Variants in LYG2 observed in about 807,000 individuals in gnomAD.
LYG2 encodes the protein lysozyme g-like protein 2.
In LYG2, 25 loss-of-function variants were observed where a neutral mutation model predicts 22.4. That is an observed-to-expected ratio of 1.12 (90% CI 0.81 to 1.56). The LOEUF is 1.56. LYG2 is among the 40% of genes most tolerant of loss of function. The pLI, the probability that LYG2 is intolerant of heterozygous loss-of-function variation, is 0.00. For synonymous variants in LYG2, 88 were observed against 97.0 expected (o/e 0.91, Z 0.55); for missense variants, 266 against 269.5 (o/e 0.99, Z 0.09).
chr2:99,246,775 T>A lies in LYG2; in HGVS notation c.89A>T (p.His30Leu). ...GCCGTGGTACAGGCGTGGATGTAGG[T>A]GAGGCTTCATTGAGTGACTGAAGGG... The part of the protein sequence containing the change: ...SYPFSHSMKP[H>L]LHPRLYHGCY... The change falls in exon 4 of 7, where the codon CAC becomes CTC. Residue 30 changes from histidine to leucine, a missense_variant. Coordinates refer to ENST00000333017, the MANE Select transcript of LYG2 (RefSeq NM_175735.4). The A allele has an allele frequency of 6.2e-7, 1 of 1,614,078 alleles. No individual in the cohort carries two copies. The highest frequency in any genetic ancestry group is 8.5e-7 in the Non-Finnish European group (1 of 1,179,982).
At chr2:99,253,273 A>G (rs1278234171) in intron 3 of LYG2, among the ~76,000 whole-genome samples, 1 of 152,096 alleles carries the variant, frequency 6.6e-6, no homozygotes, top group Admixed American at 6.6e-5. Flanking sequence ...TTAAATTAAG[A>G]GTCACCTTTC....
At chr2:99,248,714 C>T (rs929826227) in intron 3 of LYG2, among the ~76,000 whole-genome samples, 21 of 147,390 alleles carry the variant, frequency 1.4e-4, no homozygotes, top group African/African-American at 5.0e-4. Context: ...GCACATGTAC[C>T]CTAAAACTTA....
rs1419930266 is a variant in LYG2 at position 99,243,917 on chromosome 2, T to A, written c.520+82A>T. The A allele has an allele frequency of 1.9e-6, 3 of 1,540,490 alleles. No individual in the cohort carries two copies. The African/African-American group carries it at 4.1e-5, about 21-fold the overall frequency. On this transcript the variant is annotated intron_variant, in intron 6 of 6. Coordinates refer to ENST00000333017, the MANE Select transcript of LYG2 (RefSeq NM_175735.4). The stretch of plus-strand genomic sequence containing the variant: ...GCCACTGCTGACCCCGTGGAAATGC[T>A]CCCAGGGAGTCTCGGGTCACACTGG...
In LYG2 at chr2:99,245,461, A is replaced by T. The variant is rs544894319; in HGVS notation, c.185-3T>A. 4 of 1,577,186 alleles carry T rather than the reference A, an allele frequency of 2.5e-6. No individual in the cohort carries two copies. Among genetic ancestry groups the T allele is most frequent in the Admixed American group, 1.7e-5 (1 of 58,036 alleles). ...AAACATTTCAGAACCACGGATCCCT[A>T]CGTCAATAGAAAAGAAACTGTTTTT... On this transcript the variant is annotated splice_polypyrimidine_tract_variant and splice_region_variant and intron_variant, in intron 4 of 6. Transcript: ENST00000333017.
intron 2 of LYG2, 33 bp from the exon 3 acceptor site, chr2:99,254,318 T>A: frequency 6.5e-7 from 1 of 1,549,394 alleles, no homozygotes; most frequent in Non-Finnish European, 8.8e-7. Context: ...CTGGTTAATT[T>A]TAAAACCTGA....
At chr2:99,249,616 C>G (rs1324068856) in intron 3 of LYG2, among the ~76,000 whole-genome samples, 1 of 151,628 alleles carries the variant, frequency 6.6e-6, no homozygotes, top group East Asian at 1.9e-4. Flanking sequence ...ACAAAATTAG[C>G]CAGGCATGGT....
intron 3 of LYG2, among the ~76,000 whole-genome samples, chr2:99,249,761 CAAAAAAAAA>C (rs70940156): frequency 3.1e-5 from 2 of 65,296 alleles, no homozygotes; most frequent in Non-Finnish European, 5.7e-5. Flanking sequence ...AACTCTGTCT[CAAAAAAAAA>C]AAAAAAAAAA....
chr2:99,242,784 G>T (rs1574861231), intron 6 of LYG2, among the ~76,000 whole-genome samples: 1 of 152,158 alleles, frequency 6.6e-6, no homozygotes, highest in African/African-American at 2.4e-5. Flanking sequence ...TGCTGAAAAT[G>T]CTTGTAACAT....
chr2:99,256,276 C>T (rs148827083), upstream of LYG2, among the ~76,000 whole-genome samples: 593 of 152,312 alleles, frequency 3.9e-3, 6 homozygotes, highest in African/African-American at 0.014. Flanking sequence ...CTGGCATGGC[C>T]TCTAGCCTTC....
chr2:99,245,135 G>T, intron 5 of LYG2, 127 bp downstream of exon 5: 1 of 1,008,514 alleles, frequency 9.9e-7, no homozygotes, highest in Non-Finnish European at 1.3e-6. Flanking sequence ...AAATTATGCT[G>T]GAGTACCTGT....
At chr2:99,243,873 C>CTA (rs2094010987) in intron 6 of LYG2, 126 bp downstream of exon 6, 10 of 1,093,338 alleles carry the variant, frequency 9.1e-6, no homozygotes, top group Middle Eastern at 2.9e-4. Context: ...AATGCAGCCT[C>CTA]TAGACAGCTC....
rs1444426531 is a variant in LYG2, at chr2:99,246,824, G to A, written c.44-4C>T. ...GGGTATGAGCCCCTGGAAGTGCCTA[G>A]GAGGCAGAAGTGTAACTCACATGAA... On this transcript the variant is annotated splice_polypyrimidine_tract_variant and splice_region_variant and intron_variant, in intron 3 of 6. Coordinates refer to ENST00000333017, the MANE Select transcript of LYG2 (RefSeq NM_175735.4). The A allele has an allele frequency of 2.5e-6, 4 of 1,608,328 alleles. No individual in the cohort carries two copies. In the East Asian group the frequency reaches 6.7e-5, roughly 27 times the overall value.
At chr2:99,249,204 T>G (rs1268911844) in intron 3 of LYG2, among the ~76,000 whole-genome samples, 1 of 152,134 alleles carries the variant, frequency 6.6e-6, no homozygotes, top group African/African-American at 2.4e-5. Flanking sequence ...GACGATTGCT[T>G]GAGCGTAGGA....
intron 3 of LYG2, among the ~76,000 whole-genome samples, chr2:99,253,737 C>G (rs993741007): frequency 5.9e-5 from 9 of 152,116 alleles, no homozygotes; most frequent in Admixed American, 2.6e-4. Context: ...ATTAAATCAC[C>G]AAGCATCCTT....
rs891512634 is a variant in LYG2, at chr2:99,255,113, G to A, written c.-119C>T. The A allele has an allele frequency of 6.6e-6, 1 of 152,170 alleles. No homozygotes were observed. Among genetic ancestry groups the A allele is most frequent in the African/African-American group, 2.4e-5 (1 of 41,434 alleles). The allele number at this position is 152,170 out of a possible 1,614,324, so 9.4% of individuals were successfully genotyped here. ...ACTGCACTTCAAGCTTTTACAAAGC[G>A]ACGGCCTTTGTCCTGTAACATAGGC... is the stretch of plus-strand genomic sequence containing the variant. On this transcript the variant is annotated 5_prime_UTR_variant, in exon 2 of 7. Transcript: ENST00000333017.
chr2:99,243,250 G>T (rs1019462170), intron 6 of LYG2, among the ~76,000 whole-genome samples: 2 of 152,090 alleles, frequency 1.3e-5, no homozygotes, highest in African/African-American at 4.8e-5. Flanking sequence ...CTATATTATG[G>T]TGCCTCCAAG....
chr2:99,254,576 C>T (rs2094032681), intron 2 of LYG2, among the ~76,000 whole-genome samples: 1 of 151,982 alleles, frequency 6.6e-6, no homozygotes, highest in African/African-American at 2.4e-5. Flanking sequence ...TTGGTAACAC[C>T]ACAATTTTGT....
In LYG2 at chr2:99,246,926, C is replaced by G. The variant is rs1409696936; in HGVS notation, c.44-106G>C. On this transcript the variant is annotated intron_variant, in intron 3 of 6. Transcript: ENST00000333017. The stretch of plus-strand genomic sequence containing the variant: ...AGGCAGAAGGCCACAGACAGAACTC[C>G]CCAACTCTCTTGTTGCCATTATTTG... 4 of 1,043,508 alleles carry G rather than the reference C, an allele frequency of 3.8e-6. No homozygotes were observed. In the African/African-American group the frequency reaches 4.8e-5, roughly 13 times the overall value. The allele number at this position is 1,043,508 out of a possible 1,614,324, so 64.6% of individuals were successfully genotyped here. A position where few individuals can be genotyped will look rare whatever the true frequency, so the allele number is the denominator to read the frequency against.
intron 3 of LYG2, among the ~76,000 whole-genome samples, chr2:99,248,126 T>A (rs1286745403): frequency 7.9e-5 from 12 of 151,842 alleles, no homozygotes; most frequent in Non-Finnish European, 1.8e-4. Flanking sequence ...ACTTTTACAC[T>A]GTTGGTGGGA....
Sources: gnomAD v4.1 joint callset for allele counts (sites outside exome capture counted in the v4.1 genomes callset) on GRCh38, gnomAD v4.1.1 for gene constraint, MANE v1.5 for transcripts, NCBI Gene and HGNC (gene_info 2026-07-23, HGNC 2026-07-21) for gene names.